Variants in ATP6V1H observed in about 807,000 individuals in gnomAD.
ATP6V1H encodes V-type proton ATPase subunit H.
A neutral mutation model predicts 71.7 loss-of-function variants in ATP6V1H; 39 were observed. The ratio of observed to expected loss-of-function variants is 0.54; its 90% confidence interval spans 0.42 to 0.71. ATP6V1H has a LOEUF of 0.71. ATP6V1H is among the 30% of genes least tolerant of loss of function. ATP6V1H has a pLI of 0.00. For synonymous variants in ATP6V1H, 192 were observed against 199.3 expected (o/e 0.96, Z 0.31); for missense variants, 509 against 594.9 (o/e 0.86, Z 1.50).
chr8:53,747,482 AT>A (rs142859914), intron 12 of ATP6V1H, among the ~76,000 whole-genome samples: 1 of 148,898 alleles, frequency 6.7e-6, no homozygotes, highest in African/African-American at 2.5e-5. Context: ...ACTCTTTTTT[AT>A]TTTTTTTACT....
intron 7 of ATP6V1H, among the ~76,000 whole-genome samples, chr8:53,808,158 C>A (rs1224081155): frequency 6.6e-6 from 1 of 152,194 alleles, no homozygotes; most frequent in Non-Finnish European, 1.5e-5. Context: ...CGTTCTCTTG[C>A]CTATGCGTAC....
Position 53,841,619 on chromosome 8 carries a change from T to C in ATP6V1H, c.72A>G (p.Ala24=), listed in dbSNP as rs144669921. 37 of 1,614,198 alleles carry C rather than the reference T, an allele frequency of 2.3e-5. No homozygotes were observed. In the African/African-American group the frequency reaches 4.1e-4, roughly 18 times the overall value. ...AGTTGACTTTGTTTGCACGAACTTC[T>C]GCAGCCTTGGCAGCAATAATATTGG... The part of the protein sequence containing the change: ...VPTNIIAAKA[A]EVRANKVNWQ... Residue 24 remains alanine (A), a synonymous_variant, in exon 2 of 14, where the codon GCA becomes GCG. Coordinates refer to ENST00000359530, the MANE Select transcript of ATP6V1H (RefSeq NM_015941.4).
At chr8:53,839,997 G>T in intron 2 of ATP6V1H, 1 of 864,924 alleles carries the variant, frequency 1.2e-6, no homozygotes, top group Non-Finnish European at 1.4e-6. Flanking sequence ...CCCACCCAGT[G>T]TGCTGTTTTT....
At chr8:53,747,526 C>CTT (rs577089626) in intron 12 of ATP6V1H, among the ~76,000 whole-genome samples, 298 of 142,132 alleles carry the variant, frequency 2.1e-3, no homozygotes, top group African/African-American at 6.9e-3. Flanking sequence ...AGAGAAAGCT[C>CTT]TTTTTTTTTT....
chr8:53,810,967 G>A (rs949640213), intron 7 of ATP6V1H, among the ~76,000 whole-genome samples, 197 bp downstream of exon 7: 1 of 152,094 alleles, frequency 6.6e-6, no homozygotes, highest in African/African-American at 2.4e-5. Flanking sequence ...GAAAGAACAA[G>A]TCTTATGTCT....
At chr8:53,774,872 G>A (rs1390941131) in intron 9 of ATP6V1H, among the ~76,000 whole-genome samples, 3 of 152,156 alleles carry the variant, frequency 2.0e-5, no homozygotes, top group African/African-American at 4.8e-5. Flanking sequence ...TAGAAAGTGA[G>A]AGGAGAAATC....
chr8:53,800,105 C>G (rs1809859612), intron 8 of ATP6V1H, among the ~76,000 whole-genome samples: 3 of 152,134 alleles, frequency 2.0e-5, no homozygotes, highest in Non-Finnish European at 4.4e-5. Context: ...GTTTCCGGGA[C>G]AGAAACCTCA....
intron 11 of ATP6V1H, among the ~76,000 whole-genome samples, chr8:53,762,846 CCA>C (rs145985631): frequency 0.11 from 17,262 of 152,090 alleles, 1,410 homozygotes; most frequent in East Asian, 0.37. Context: ...TTTCTTACAC[CCA>C]TTTGCCACCC....
intron 4 of ATP6V1H, among the ~76,000 whole-genome samples, chr8:53,826,069 G>A (rs1371144159): frequency 6.6e-6 from 1 of 151,996 alleles, no homozygotes; most frequent in Non-Finnish European, 1.5e-5. Flanking sequence ...ATAATTCAGG[G>A]AAAAAAATGT....
intron 9 of ATP6V1H, among the ~76,000 whole-genome samples, chr8:53,784,044 G>A (rs538078308): frequency 6.6e-6 from 1 of 152,020 alleles, no homozygotes; most frequent in East Asian, 1.9e-4. Context: ...GAGTTCTGTA[G>A]ATGTCTATTA....
chr8:53,832,790 T>C (rs138061458), intron 3 of ATP6V1H, 194 bp downstream of exon 3: 4 of 405,906 alleles, frequency 9.9e-6, no homozygotes, highest in Admixed American at 8.7e-5. Context: ...TAACTTCTTT[T>C]CCAGAAATTT....
At chr8:53,826,088 C>G (rs192863971) in intron 4 of ATP6V1H, among the ~76,000 whole-genome samples, 30 of 152,096 alleles carry the variant, frequency 2.0e-4, no homozygotes, top group Non-Finnish European at 3.4e-4. Flanking sequence ...GTAAAAGCAA[C>G]CTTTAAGGTC....
chr8:53,784,789 G>A lies in ATP6V1H; in HGVS notation c.870+10858C>T, dbSNP rs186919095. Among the ~76,000 whole-genome samples the A allele has an allele frequency of 5.4e-3, 817 of 152,102 alleles. 4 individuals carry two copies. Among genetic ancestry groups the A allele is most frequent in the African/African-American group, 0.018 (766 of 41,468 alleles). Reference sequence around the variant, plus strand: ...CTGTAAATGATTTTATTTCTCCTTCGCTTATGAAGCTTAGTTTGGCTGGAT... The same window carrying A: ...CTGTAAATGATTTTATTTCTCCTTCACTTATGAAGCTTAGTTTGGCTGGAT... On this transcript the variant is annotated intron_variant, in intron 9 of 13. Transcript: ENST00000359530.
At chr8:53,816,481 T>G (rs1318034874) in intron 5 of ATP6V1H, among the ~76,000 whole-genome samples, 1 of 152,198 alleles carries the variant, frequency 6.6e-6, no homozygotes, top group African/African-American at 2.4e-5. Context: ...GTACTAGGGC[T>G]TCCAAACATA....
intron 8 of ATP6V1H, among the ~76,000 whole-genome samples, chr8:53,796,303 A>G (rs552289801): frequency 6.6e-6 from 1 of 152,318 alleles, no homozygotes; most frequent in South Asian, 2.1e-4. Flanking sequence ...GGGGGTCAGG[A>G]AAAACCTCAG....
At chr8:53,794,460 G>A (rs1809667016) in intron 9 of ATP6V1H, among the ~76,000 whole-genome samples, 1 of 152,112 alleles carries the variant, frequency 6.6e-6, no homozygotes, top group Non-Finnish European at 1.5e-5. Context: ...CCGACTCCCT[G>A]GTTCAAGCGA....
intron 8 of ATP6V1H, among the ~76,000 whole-genome samples, chr8:53,798,533 TCA>T (rs561853450): frequency 6.6e-6 from 1 of 151,680 alleles, no homozygotes; most frequent in Non-Finnish European, 1.5e-5. Flanking sequence ...AAAAAAGACC[TCA>T]GTTATCTTCC....
At chr8:53,838,095 T>C (rs1269805610) in intron 2 of ATP6V1H, among the ~76,000 whole-genome samples, 1 of 150,606 alleles carries the variant, frequency 6.6e-6, no homozygotes, top group Admixed American at 6.6e-5. Flanking sequence ...TAACTCCAGG[T>C]GTTCCTCGGC....
At position 53,801,949 on chromosome 8, in the gene ATP6V1H, G is replaced by A. The variant is rs1161642337; in HGVS notation, c.580-53C>T. The A allele has an allele frequency of 5.2e-5, 76 of 1,470,184 alleles. No homozygotes were observed. In the Admixed American group the frequency reaches 9.3e-4, roughly 18 times the overall value. 91.1% of individuals were successfully genotyped at this position (1,470,184 alleles called of 1,614,324 possible). A position where few individuals can be genotyped will look rare whatever the true frequency, so the allele number is the denominator to read the frequency against. On this transcript the variant is annotated intron_variant, in intron 7 of 13. Coordinates refer to ENST00000359530, the MANE Select transcript of ATP6V1H (RefSeq NM_015941.4). ...AAATGGGAAGCATTTAAAGTCATGC[G>A]ATCAGACACACATTTCTAAATGAAA...
Sources: allele counts gnomAD v4.1 joint callset (sites outside exome capture counted in the v4.1 genomes callset), GRCh38; gene constraint gnomAD v4.1.1; transcripts MANE v1.5; gene names NCBI Gene and HGNC (gene_info 2026-07-23, HGNC 2026-07-21).